Variants in SLC14A2 observed in about 807,000 individuals in gnomAD.
The protein encoded by SLC14A2 is urea transporter 2.
A neutral mutation model predicts 104.6 loss-of-function variants in SLC14A2; 91 were observed. The observed-to-expected ratio is 0.87, with a 90% CI of 0.73 to 1.04. The LOEUF (loss-of-function observed/expected upper bound fraction) is 1.04, where lower values mean the gene tolerates loss of function less well. Among genes scored for constraint, SLC14A2 ranks in the 50% least tolerant of loss-of-function variants. The pLI is 0.00. For synonymous variants in SLC14A2, 476 were observed against 466.4 expected, an observed-to-expected ratio of 1.02 and a Z score of -0.27; for missense variants, 1,189 against 1,156.0, an observed-to-expected ratio of 1.03 and a Z score of -0.41.
intron 1 of SLC14A2, among the ~76,000 whole-genome samples, chr18:45,405,277 A>G (rs1389725195): frequency 6.6e-6 from 1 of 152,172 alleles, no homozygotes; most frequent in South Asian, 2.1e-4. Flanking sequence ...CAGGGAAAAG[A>G]ACAGAGCAAG....
intron 1 of SLC14A2, among the ~76,000 whole-genome samples, chr18:45,420,989 T>C (rs2086339941): frequency 6.6e-6 from 1 of 152,144 alleles, no homozygotes; most frequent in Admixed American, 6.5e-5. Context: ...TCTGCCCACC[T>C]CAGCCTCCCA....
intron 7 of SLC14A2, 78 bp downstream of exon 7, chr18:45,639,971 T>C (rs2045493806): frequency 7.6e-7 from 1 of 1,317,492 alleles, no homozygotes; most frequent in Admixed American, 2.1e-5. Context: ...CAGCAAATCT[T>C]CCAGACATTC....
At chr18:45,191,996 G>A in the SLC14A2 span, among the ~76,000 whole-genome samples, 1 of 152,308 alleles carries the variant, frequency 6.6e-6, no homozygotes, top group East Asian at 1.9e-4. Context: ...CAATCTGTGT[G>A]TGTAAATAAA....
intron 14 of SLC14A2, 81 bp from the exon 15 acceptor site, chr18:45,668,268 T>C: frequency 6.4e-7 from 1 of 1,565,010 alleles, no homozygotes; most frequent in Non-Finnish European, 8.7e-7. Context: ...AGGCCCCAGA[T>C]AAAAAGAATC....
chr18:45,585,629 C>A (rs1471915182), intron 2 of SLC14A2, among the ~76,000 whole-genome samples: 3 of 152,206 alleles, frequency 2.0e-5, no homozygotes, highest in Non-Finnish European at 4.4e-5. Flanking sequence ...CAGCTTAGTT[C>A]CCCTGGAGCC....
In SLC14A2 at chr18:45,278,726, A is replaced by T. The variant is rs565254281; in HGVS notation, c.-125+65535A>T. Among the ~76,000 whole-genome samples the T allele has an allele frequency of 3.9e-5, 6 of 152,244 alleles. No homozygotes were observed. In the East Asian group the frequency reaches 1.2e-3, roughly 29 times the overall value. ...TGGATTTCACATCCACAAATACTAT[A>T]TTTTCAATAGTGTCTAGTTGAAAAA... On this transcript the variant is annotated intron_variant, in intron 1 of 20. Transcript: ENST00000586448.
At chr18:45,663,944 C>T in intron 11 of SLC14A2, 37 bp downstream of exon 11, 3 of 1,572,100 alleles carry the variant, frequency 1.9e-6, no homozygotes, top group Non-Finnish European at 2.6e-6. Context: ...GGATCCCTGC[C>T]TTCCTAGTCT....
upstream of SLC14A2, among the ~76,000 whole-genome samples, chr18:45,209,744 G>A (rs995374524): frequency 5.9e-5 from 9 of 152,170 alleles, no homozygotes; most frequent in Middle Eastern, 3.2e-3. Flanking sequence ...AAAAGAGACT[G>A]CAGGGAAAGA....
At chr18:45,613,809 T>C (rs7233509), upstream of SLC14A2, among the ~76,000 whole-genome samples, 23 of 152,168 alleles carry the variant, frequency 1.5e-4, no homozygotes. Context: ...TACAGAGAGA[T>C]TGTTTGAAAT....
chr18:45,438,020 A>G (rs993601), intron 1 of SLC14A2, among the ~76,000 whole-genome samples: 83,973 of 152,000 alleles, frequency 0.55, 23,399 homozygotes, highest in Admixed American at 0.68. Flanking sequence ...ACATTTATTA[A>G]GCCCTTACTA....
intron 1 of SLC14A2, among the ~76,000 whole-genome samples, chr18:45,386,552 A>AT (rs371331446): frequency 8.5e-5 from 13 of 152,186 alleles, no homozygotes; most frequent in African/African-American, 3.1e-4. Flanking sequence ...TCCCGAAAAG[A>AT]TTTGCTTCCT....
At chr18:45,510,432 C>G (rs374966196) in intron 2 of SLC14A2, among the ~76,000 whole-genome samples, 1 of 152,284 alleles carries the variant, frequency 6.6e-6, no homozygotes, top group African/African-American at 2.4e-5. Flanking sequence ...TACTCCCAGG[C>G]CCCTCTATGC....
At chr18:45,169,382 A>G in the SLC14A2 span, among the ~76,000 whole-genome samples, 1 of 152,070 alleles carries the variant, frequency 6.6e-6, no homozygotes, top group African/African-American at 2.4e-5. Context: ...CGCTTACACA[A>G]CTCACTCTAT....
intron 1 of SLC14A2, among the ~76,000 whole-genome samples, chr18:45,302,333 G>A (rs1217535913): frequency 6.6e-6 from 1 of 152,202 alleles, no homozygotes; most frequent in Non-Finnish European, 1.5e-5. Flanking sequence ...CTTGCAGGCA[G>A]GTGGGAGCCA....
At chr18:45,641,576 T>A (rs2045529187) in intron 8 of SLC14A2, among the ~76,000 whole-genome samples, 1 of 152,232 alleles carries the variant, frequency 6.6e-6, no homozygotes. Context: ...TTGTAAAGTT[T>A]ATAAGGAAAT....
At chr18:45,264,394 A>G (rs1053890279) in intron 1 of SLC14A2, among the ~76,000 whole-genome samples, 10 of 152,310 alleles carry the variant, frequency 6.6e-5, no homozygotes, top group African/African-American at 2.2e-4. Context: ...AGAATTATTA[A>G]CCCATACTCT....
At chr18:45,276,671 T>A (rs545287967) in intron 1 of SLC14A2, among the ~76,000 whole-genome samples, 69 of 152,370 alleles carry the variant, frequency 4.5e-4, no homozygotes, top group African/African-American at 1.5e-3. Flanking sequence ...TGGAACAAGC[T>A]TAAAGTAAAT....
At chr18:45,528,015 G>A (rs1214198430) in intron 2 of SLC14A2, 2 of 152,090 alleles carry the variant, frequency 1.3e-5, no homozygotes, top group African/African-American at 4.8e-5. Context: ...TGCCCATAGG[G>A]CCACCATTAG....
chr18:45,365,480 T>A (rs961185089), intron 1 of SLC14A2, among the ~76,000 whole-genome samples: 5 of 152,258 alleles, frequency 3.3e-5, no homozygotes, highest in African/African-American at 1.2e-4. Flanking sequence ...AAAACAGGCA[T>A]GTGTGCCTGC....
Sources: allele counts gnomAD v4.1 joint callset (sites outside exome capture counted in the v4.1 genomes callset), GRCh38; gene constraint gnomAD v4.1.1; transcripts MANE v1.5; gene names NCBI Gene and HGNC (gene_info 2026-07-23, HGNC 2026-07-21).